NFAT5: variants seen among roughly 807,000 people sequenced by gnomAD.
The protein encoded by NFAT5 is nuclear factor of activated T cells 5.
Under a neutral mutation model 166.5 loss-of-function variants are expected in NFAT5, and 31 were observed. The ratio of observed to expected loss-of-function variants is 0.19; its 90% CI spans 0.14 to 0.25. NFAT5 has a LOEUF of 0.25. Among genes scored for constraint, NFAT5 ranks in the 10% least tolerant of loss-of-function variants. The probability of loss-of-function intolerance (pLI) is 1.00; values close to 1 mark genes in which losing one functional copy is unlikely to be tolerated. For synonymous variants in NFAT5, 612 were observed against 639.7 expected (o/e 0.96, Z 0.65); for missense variants, 1,449 against 1,821.8 (o/e 0.80, Z 3.72).
intron 2 of NFAT5, among the ~76,000 whole-genome samples, chr16:69,592,002 A>G (rs1474806278): frequency 6.6e-6 from 1 of 152,082 alleles, no homozygotes; most frequent in Non-Finnish European, 1.5e-5. Flanking sequence ...CTCTTTTTCC[A>G]TGATACTTAT....
chr16:69,592,600 T>TC (rs1410477299), intron 2 of NFAT5, among the ~76,000 whole-genome samples: 2 of 152,208 alleles, frequency 1.3e-5, no homozygotes, highest in South Asian at 4.1e-4. Flanking sequence ...GCTGTTTTTT[T>TC]CCCTCATAAT....
At position 69,623,244 on chromosome 16, in the gene NFAT5, T is replaced by C. The variant is rs140081927; in HGVS notation, c.128-3159T>C. Among the ~76,000 whole-genome samples the C allele has an allele frequency of 1.2e-4, 19 of 152,302 alleles. No individual in the cohort carries two copies. The East Asian group carries it at 3.5e-3, about 28-fold the overall frequency. ...AAGATAATTGTATTACAATGAATAT[T>C]TGGTGATAATGGCATTTCTGTTTTA... On this transcript the variant is annotated intron_variant, in intron 2 of 14. Transcript: ENST00000349945.
intron 2 of NFAT5, among the ~76,000 whole-genome samples, chr16:69,623,961 G>C (rs1035522511): frequency 6.6e-6 from 1 of 151,682 alleles, no homozygotes; most frequent in Non-Finnish European, 1.5e-5. Context: ...ATGTTGGCCA[G>C]GCTAGTCTCG....
In NFAT5 at chr16:69,701,455, C is replaced by T. The variant is rs1194303083; in HGVS notation, c.*5104C>T. 6.6e-6 allele frequency: 1 copy of T among 152,562 alleles called. No individual in the cohort carries two copies. The highest frequency in any genetic ancestry group is 1.5e-5 in the Non-Finnish European group (1 of 68,022). The allele number at this position is 152,562 out of a possible 1,614,324, so 9.5% of individuals were successfully genotyped here. On this transcript the variant is annotated 3_prime_UTR_variant, in exon 15 of 15. Coordinates refer to ENST00000349945, the MANE Select transcript of NFAT5 (RefSeq NM_138713.4). ...ACATAAACAAATAGTTTCAGTAGGT[C>T]CCAGCTTTTACTTTTTCCATTTAAA...
intron 2 of NFAT5, among the ~76,000 whole-genome samples, chr16:69,572,370 A>G (rs1161291596): frequency 1.3e-5 from 2 of 152,202 alleles, no homozygotes; most frequent in Admixed American, 1.3e-4. Flanking sequence ...ATCCTGAACA[A>G]AAGTATACAT....
chr16:69,646,512 TC>T, intron 3 of NFAT5: 1 of 1,234,428 alleles, frequency 8.1e-7, no homozygotes, highest in South Asian at 1.4e-5. Context: ...ATATTTTTAT[TC>T]CAGGATTTGC....
chr16:69,585,311 ATTT>A (rs149915039), intron 2 of NFAT5, among the ~76,000 whole-genome samples: 1 of 145,868 alleles, frequency 6.9e-6, no homozygotes, highest in African/African-American at 2.5e-5. Flanking sequence ...GCCCAGCCCA[ATTT>A]TTTTTTTTTT....
chr16:69,648,953 G>T, intron 4 of NFAT5: 1 of 976,734 alleles, frequency 1.0e-6, no homozygotes, highest in Non-Finnish European at 1.2e-6. Context: ...ACTCTACACC[G>T]CTTCTTTACC....
intron 10 of NFAT5, among the ~76,000 whole-genome samples, chr16:69,680,523 CTA>C (rs1231419608): frequency 2.0e-5 from 3 of 152,152 alleles, no homozygotes; most frequent in African/African-American, 7.2e-5. Flanking sequence ...ACTTCAAAGG[CTA>C]TACTAATTGC....
rs140333190 is a variant in NFAT5 at position 69,617,777 on chromosome 16, C to G, written c.128-8626C>G. ...CAAATGCCTGGATTACAGGCATGAG[C>G]CACTTTGCCTGGCTGAACATAATTT... On this transcript the variant is annotated intron_variant, in intron 2 of 14. Coordinates refer to ENST00000349945, the MANE Select transcript of NFAT5 (RefSeq NM_138713.4). 2.4e-3 allele frequency among the ~76,000 whole-genome samples: 370 copies of G among 152,146 alleles called. 7 individuals are homozygous for G. Among genetic ancestry groups the G allele is most frequent in the East Asian group, 0.02 (104 of 5,154 alleles).
chr16:69,640,986 G>T (rs1356104974), intron 3 of NFAT5, among the ~76,000 whole-genome samples: 2 of 133,236 alleles, frequency 1.5e-5, no homozygotes, highest in South Asian at 2.5e-4. Flanking sequence ...CATCTCAAAA[G>T]AAAAAAAAAA....
chr16:69,598,979 A>G (rs566337360), intron 2 of NFAT5, among the ~76,000 whole-genome samples: 1 of 145,790 alleles, frequency 6.9e-6, no homozygotes, highest in East Asian at 2.0e-4. Flanking sequence ...GCGCCACTGT[A>G]CTCCAGTCTG....
chr16:69,579,099 C>T (rs2031496676), intron 2 of NFAT5, among the ~76,000 whole-genome samples: 1 of 152,158 alleles, frequency 6.6e-6, no homozygotes, highest in Admixed American at 6.6e-5. Context: ...TGGTCTGGAA[C>T]TCCTGACCTT....
rs751417445 is a variant in NFAT5, at chr16:69,692,898, A to T, written c.3073A>T (p.Thr1025Ser). The T allele has an allele frequency of 1.4e-4, 233 of 1,614,086 alleles. 4 individuals carry two copies. In the South Asian group the frequency reaches 1.7e-3, roughly 11 times the overall value. The change falls in exon 13 of 15, where the codon ACC (threonine) becomes TCC (serine). Residue 1025 changes from threonine to serine, a missense_variant. Transcript: ENST00000349945. The part of the protein sequence containing the change: ...AKQIQNSVFQ[T>S]MVQMQHSGDN... The stretch of plus-strand genomic sequence containing the variant: ...ACAGATTCAGAACAGTGTCTTTCAG[A>T]CCATGGTCCAAATGCAACATAGTGG...
chr16:69,670,387 C>T lies in NFAT5; in HGVS notation c.1557+99C>T, dbSNP rs2036578104. On this transcript the variant is annotated intron_variant, in intron 9 of 14. Coordinates refer to ENST00000349945, the MANE Select transcript of NFAT5 (RefSeq NM_138713.4). ...GAATCAATAGATTAAATTTCTTCTT[C>T]CTATGGGATTGATATGAATTATTTA... The T allele has an allele frequency of 6.3e-5, 45 of 709,280 alleles. 1 individual carries two copies. In the South Asian group the frequency reaches 8.1e-4, roughly 13 times the overall value. The allele number at this position is 709,280 out of a possible 1,614,324, so 43.9% of individuals were successfully genotyped here. A position where few individuals can be genotyped will look rare whatever the true frequency, so the allele number is the denominator to read the frequency against.
intron 2 of NFAT5, among the ~76,000 whole-genome samples, chr16:69,590,555 T>C (rs1005839721): frequency 6.6e-6 from 1 of 152,214 alleles, no homozygotes; most frequent in African/African-American, 2.4e-5. Context: ...GGCTAGATGA[T>C]TATAAGGAGA....
chr16:69,648,903 T>G (rs964047120), intron 4 of NFAT5: 1 of 954,118 alleles, frequency 1.0e-6, no homozygotes, highest in Admixed American at 6.2e-5. Flanking sequence ...ACTCCCTCAG[T>G]ACATTTTAAA....
chr16:69,593,599 G>A (rs1285198856), intron 2 of NFAT5, among the ~76,000 whole-genome samples: 1 of 152,032 alleles, frequency 6.6e-6, no homozygotes, highest in African/African-American at 2.4e-5. Flanking sequence ...ATAGGCAGGA[G>A]CCACCATGCC....
In NFAT5 at chr16:69,692,608, A is replaced by G. The variant is rs148167814; in HGVS notation, c.2783A>G (p.Gln928Arg). Residue 928 changes from glutamine (Q) to arginine (R), a missense_variant, in exon 13 of 15, where the codon CAG becomes CGG. Coordinates refer to ENST00000349945, the MANE Select transcript of NFAT5 (RefSeq NM_138713.4). ...CAGAGTATCTGCCAGGCAGCTGCCC[A>G]GATTCAGTCAGAGTTATTCCCTTCA... Reference protein sequence around the residue: ...MQQSICQAAAQIQSELFPSTA... With the variant: ...MQQSICQAAARIQSELFPSTA... 78 of 1,614,116 alleles carry G rather than the reference A, an allele frequency of 4.8e-5. No homozygotes were observed. The highest frequency in any genetic ancestry group is 6.4e-5 in the Non-Finnish European group (76 of 1,180,050).
Sources: gnomAD v4.1 joint callset for allele counts (sites outside exome capture counted in the v4.1 genomes callset) on GRCh38, gnomAD v4.1.1 for gene constraint, MANE v1.5 for transcripts, NCBI Gene and HGNC (gene_info 2026-07-23, HGNC 2026-07-21) for gene names.